AFG1L: variants seen among roughly 807,000 people sequenced by gnomAD.
AFG1L encodes the protein AFG1 like ATPase, also known as AFG1-like ATPase.
AFG1L carries 53 observed loss-of-function variants against 62.2 expected under a neutral mutation model. The observed-to-expected ratio is 0.85, with a 90% CI of 0.68 to 1.07. The LOEUF (loss-of-function observed/expected upper bound fraction) is 1.07. AFG1L is among the 50% of genes least tolerant of loss of function. The pLI, the probability that AFG1L is intolerant of heterozygous loss-of-function variation, is 0.00. For missense variants in AFG1L, 555 were observed against 590.5 expected (o/e 0.94, Z 0.62); for synonymous variants, 228 against 210.3 (o/e 1.08, Z -0.73).
intron 7 of AFG1L, among the ~76,000 whole-genome samples, chr6:108,440,125 T>C (rs891413928): frequency 6.6e-6 from 1 of 152,206 alleles, no homozygotes; most frequent in Non-Finnish European, 1.5e-5. Context: ...CTTTTAATAT[T>C]GTTTGAATGT....
intron 7 of AFG1L, among the ~76,000 whole-genome samples, chr6:108,417,391 C>T (rs906453386): frequency 2.6e-5 from 4 of 151,640 alleles, no homozygotes; most frequent in South Asian, 2.1e-4. Context: ...TCCAAAGAGC[C>T]GATGATGCTT....
Position 108,350,377 on chromosome 6 carries a change from T to A in AFG1L, c.415+3338T>A, listed in dbSNP as rs992304061. 8.6e-5 allele frequency among the ~76,000 whole-genome samples: 13 copies of A among 152,044 alleles called. No individual in the cohort carries two copies. In the East Asian group the frequency reaches 2.5e-3, roughly 29 times the overall value. ...TAAGGAGACTTCATGGGATAGAGAA[T>A]ACCTACCTGGTAGCACTCCCTTCCC... On this transcript the variant is annotated intron_variant, in intron 3 of 12. Transcript: ENST00000368977.
chr6:108,367,554 G>A (rs182996902), intron 6 of AFG1L, among the ~76,000 whole-genome samples: 1 of 152,274 alleles, frequency 6.6e-6, no homozygotes, highest in East Asian at 1.9e-4. Context: ...GTAACTCAAA[G>A]GTTTTGGCCT....
At chr6:108,327,224 T>C (rs866568245) in intron 2 of AFG1L, among the ~76,000 whole-genome samples, 2 of 152,138 alleles carry the variant, frequency 1.3e-5, no homozygotes, top group Admixed American at 6.5e-5. Context: ...TTGAAAGAAA[T>C]AGAGATTCAT....
rs1777918357 is a variant in AFG1L, at chr6:108,323,853, G to A, written c.168G>A (p.Met56Ile). 1 of 1,614,008 alleles carries A rather than the reference G, an allele frequency of 6.2e-7. No individual in the cohort carries two copies. Among genetic ancestry groups the A allele is most frequent in the African/African-American group, 1.3e-5 (1 of 74,914 alleles). ...ATACGGTTCAGACATCCGAGAGCAT[G>A]ACCCCAACTGCCACTTCAGAGACTT... ...KAYTVQTSESMTPTATSETYL... is the reference protein window; with the variant it reads ...KAYTVQTSESITPTATSETYL... The change falls in exon 2 of 13, where the codon ATG (methionine) becomes ATA (isoleucine). Residue 56 changes from methionine (M) to isoleucine (I), a missense_variant. By Grantham distance (10) the Met-to-Ile change is conservative (BLOSUM62 1). Coordinates refer to ENST00000368977, the MANE Select transcript of AFG1L (RefSeq NM_145315.5).
At chr6:108,320,335 A>G (rs541668812) in intron 1 of AFG1L, among the ~76,000 whole-genome samples, 12 of 152,210 alleles carry the variant, frequency 7.9e-5, no homozygotes, top group Admixed American at 2.6e-4. Context: ...CTGATTTGCA[A>G]TTGGTTAAGG....
At chr6:108,400,418 A>C (rs1781516142) in intron 6 of AFG1L, among the ~76,000 whole-genome samples, 1 of 151,174 alleles carries the variant, frequency 6.6e-6, no homozygotes, top group Non-Finnish European at 1.5e-5. Flanking sequence ...GAGCTTTATC[A>C]GATAATTTTT....
intron 6 of AFG1L, among the ~76,000 whole-genome samples, chr6:108,382,975 TG>T (rs2114561537): frequency 6.6e-6 from 1 of 152,330 alleles, no homozygotes; most frequent in African/African-American, 2.4e-5. Flanking sequence ...CCGTGGCTTA[TG>T]CCTTATAATC....
rs144378860 is a variant in AFG1L, at chr6:108,299,490, G to A, written c.139+4272G>A. Reference sequence around the variant, plus strand: ...ATGATAGGGCCAAAGGATTTTAGAGGGATATTCAATATGGGGCTTGTTAAA... The same window carrying A: ...ATGATAGGGCCAAAGGATTTTAGAGAGATATTCAATATGGGGCTTGTTAAA... On this transcript the variant is annotated intron_variant, in intron 1 of 12. Transcript: ENST00000368977. 4.6e-5 allele frequency among the ~76,000 whole-genome samples: 7 copies of A among 152,192 alleles called. No individual in the cohort carries two copies. In the East Asian group the frequency reaches 1.4e-3, roughly 29 times the overall value.
At chr6:108,384,281 A>T (rs1780670432) in intron 6 of AFG1L, among the ~76,000 whole-genome samples, 1 of 152,146 alleles carries the variant, frequency 6.6e-6, no homozygotes, top group African/African-American at 2.4e-5. Context: ...GGAAAATGAG[A>T]AATGGATCCC....
At chr6:108,513,392 G>A (rs1774743502) in intron 11 of AFG1L, among the ~76,000 whole-genome samples, 1 of 152,210 alleles carries the variant, frequency 6.6e-6, no homozygotes, top group Admixed American at 6.5e-5. Context: ...GATGGCACCT[G>A]GAAAATCGGA....
chr6:108,380,285 G>A (rs922172224), intron 6 of AFG1L, among the ~76,000 whole-genome samples: 1 of 152,202 alleles, frequency 6.6e-6, no homozygotes, highest in African/African-American at 2.4e-5. Context: ...GTCCAGGAAG[G>A]GTGGGGTGGC....
chr6:108,510,498 T>C (rs978835865), intron 11 of AFG1L, 146 bp downstream of exon 11: 24 of 642,216 alleles, frequency 3.7e-5, no homozygotes, highest in Non-Finnish European at 4.9e-5. Context: ...TTGGGGATGA[T>C]AATATTATTT....
chr6:108,352,014 T>C (rs1779102244), intron 3 of AFG1L, among the ~76,000 whole-genome samples: 2 of 152,334 alleles, frequency 1.3e-5, no homozygotes, highest in South Asian at 4.1e-4. Context: ...TTCAGTAGTA[T>C]TGTCTGTTCA....
intron 1 of AFG1L, among the ~76,000 whole-genome samples, chr6:108,320,663 C>G (rs775216673): frequency 2.6e-5 from 4 of 152,152 alleles, no homozygotes; most frequent in Non-Finnish European, 4.4e-5. Flanking sequence ...ATTTACTTCT[C>G]AGGGCTAGCT....
At chr6:108,457,235 A>G (rs961469295) in intron 8 of AFG1L, among the ~76,000 whole-genome samples, 1 of 152,002 alleles carries the variant, frequency 6.6e-6, no homozygotes, top group African/African-American at 2.4e-5. Context: ...TTTGTTTTCT[A>G]TTGTCCCATC....
rs111699146 is a variant in AFG1L at position 108,411,256 on chromosome 6, G to A, written c.807+9202G>A. On this transcript the variant is annotated intron_variant, in intron 7 of 12. Transcript: ENST00000368977. Reference sequence around the variant, plus strand: ...AGAGGCTTGAGTAGGTAAACAAAGCGTCCTGGAAGCTCGAACTGGGTGGAG... The same window carrying A: ...AGAGGCTTGAGTAGGTAAACAAAGCATCCTGGAAGCTCGAACTGGGTGGAG... 6.6e-5 allele frequency among the ~76,000 whole-genome samples: 10 copies of A among 152,328 alleles called. No homozygotes were observed. The South Asian group carries it at 1.2e-3, about 19-fold the overall frequency.
intron 5 of AFG1L, among the ~76,000 whole-genome samples, chr6:108,363,623 G>C (rs1429535983): frequency 6.6e-5 from 10 of 151,738 alleles, no homozygotes; most frequent in African/African-American, 1.9e-4. Flanking sequence ...AGATTAGTGA[G>C]GAAAACTGAT....
At chr6:108,402,273 A>G (rs528981974) in intron 7 of AFG1L, among the ~76,000 whole-genome samples, 121 of 152,024 alleles carry the variant, frequency 8.0e-4, no homozygotes, top group Non-Finnish European at 1.3e-3. Flanking sequence ...GACCAACCTG[A>G]CCAACATGGT....
Sources: gnomAD v4.1 joint callset for allele counts (sites outside exome capture counted in the v4.1 genomes callset) on GRCh38, gnomAD v4.1.1 for gene constraint, MANE v1.5 for transcripts, NCBI Gene and HGNC (gene_info 2026-07-23, HGNC 2026-07-21) for gene names.